C12orf43: variants seen among roughly 807,000 people sequenced by gnomAD.
C12orf43 encodes the protein chromosome 12 open reading frame 43, also known as protein CUSTOS.
C12orf43 carries 15 observed loss-of-function variants against 20.6 expected under a neutral mutation model. The observed-to-expected ratio is 0.73, with a 90% CI of 0.49 to 1.12. The LOEUF is 1.12. Among genes scored for constraint, C12orf43 ranks in the 50% most tolerant of loss-of-function variants. The pLI is 0.00. For missense variants in C12orf43, 334 were observed against 344.4 expected, an observed-to-expected ratio of 0.97 and a Z score of 0.24; for synonymous variants, 144 against 130.8, an observed-to-expected ratio of 1.10 and a Z score of -0.69.
In C12orf43 at chr12:121,003,721, C is replaced by T. The variant is rs778506891; in HGVS notation, c.*432G>A. The T allele has an allele frequency of 2.3e-4, 40 of 172,734 alleles. No individual in the cohort carries two copies. The highest frequency in any genetic ancestry group is 7.5e-4 in the South Asian group (5 of 6,638). The allele number at this position is 172,734 out of a possible 1,614,324, so 10.7% of individuals were successfully genotyped here. Reference sequence around the variant, plus strand: ...CTCTGGGCCTTGGCCTCTTGGGGATCCCTTCTCTCATTTTCTAAAAACTGT... The same window carrying T: ...CTCTGGGCCTTGGCCTCTTGGGGATTCCTTCTCTCATTTTCTAAAAACTGT... On this transcript the variant is annotated 3_prime_UTR_variant, in exon 6 of 6. Transcript: ENST00000288757.
chr12:121,010,760 C>A, intron 3 of C12orf43, 68 bp downstream of exon 3: 2 of 1,295,586 alleles, frequency 1.5e-6, no homozygotes, highest in Non-Finnish European at 2.1e-6. Context: ...CGTGAGCTCC[C>A]AGCCAATGTG....
Position 121,005,581 on chromosome 12 carries a change from C to T in C12orf43, c.362-488G>A, listed in dbSNP as rs1476478797. 6.6e-6 allele frequency among the ~76,000 whole-genome samples: 1 copy of T among 152,246 alleles called. No individual in the cohort carries two copies. Among genetic ancestry groups the T allele is most frequent in the African/African-American group, 2.4e-5 (1 of 41,470 alleles). On this transcript the variant is annotated intron_variant, in intron 4 of 5. Transcript: ENST00000288757. The surrounding 1 kb of genome is among the most constrained non-coding windows in gnomAD (Gnocchi z 5.6). Reference sequence around the variant, plus strand: ...GCTTCTGGAAGTCAGCACTTGAGCTCCTGACCTAAGGCAGCCTTCAAAGTG... The same window carrying T: ...GCTTCTGGAAGTCAGCACTTGAGCTTCTGACCTAAGGCAGCCTTCAAAGTG...
At position 121,002,003 on chromosome 12, in the gene C12orf43, G is replaced by A. The variant is rs1316140136; in HGVS notation, c.*2150C>T. 2 of 536,564 alleles carry A rather than the reference G, an allele frequency of 3.7e-6. No homozygotes were observed. The allele number at this position is 536,564 out of a possible 1,614,324, so 33.2% of individuals were successfully genotyped here. A position where few individuals can be genotyped will look rare whatever the true frequency, so the allele number is the denominator to read the frequency against. Reference sequence around the variant, plus strand: ...TGGGAAGTCGTCCTTACTCCTGTGGGAGCCTCGCAACCCGTGCCAAGTCCA... The same window carrying A: ...TGGGAAGTCGTCCTTACTCCTGTGGAAGCCTCGCAACCCGTGCCAAGTCCA... On this transcript the variant is annotated 3_prime_UTR_variant, in exon 6 of 6. Coordinates refer to ENST00000288757, the MANE Select transcript of C12orf43 (RefSeq NM_022895.3).
At chr12:121,011,517 T>C (rs897052651) in intron 1 of C12orf43, among the ~76,000 whole-genome samples, 2 of 151,030 alleles carry the variant, frequency 1.3e-5, no homozygotes, top group Non-Finnish European at 2.9e-5. Flanking sequence ...GTTATATATG[T>C]AACTTAAAAT....
chr12:121,015,455 A>G (rs143345163), intron 1 of C12orf43, among the ~76,000 whole-genome samples: 1 of 152,226 alleles, frequency 6.6e-6, no homozygotes, highest in Non-Finnish European at 1.5e-5. Flanking sequence ...TCTCAGAGCA[A>G]TGTTTTAAAT....
chr12:121,006,024 CT>C, intron 4 of C12orf43: 1 of 294,818 alleles, frequency 3.4e-6, no homozygotes, highest in Non-Finnish European at 6.4e-6. Flanking sequence ...CAAGACCAGC[CT>C]GGGCAACATA....
chr12:121,013,831 C>A (rs190231364), intron 1 of C12orf43, among the ~76,000 whole-genome samples: 2 of 152,166 alleles, frequency 1.3e-5, no homozygotes, highest in Admixed American at 1.3e-4. Context: ...CCTGGGTTTA[C>A]GCCTGGTTCT....
intron 3 of C12orf43, among the ~76,000 whole-genome samples, chr12:121,009,211 C>T (rs901278948): frequency 2.0e-5 from 3 of 152,062 alleles, no homozygotes; most frequent in Non-Finnish European, 2.9e-5. Flanking sequence ...TCTGGGAGGC[C>T]GAGCCGGTGG....
intron 3 of C12orf43, among the ~76,000 whole-genome samples, chr12:121,007,827 C>T (rs1878137438): frequency 6.6e-6 from 1 of 152,136 alleles, no homozygotes; most frequent in African/African-American, 2.4e-5. Flanking sequence ...AAGCCCTGTT[C>T]AGGAAAAGCA....
chr12:121,001,297 T>C lies in C12orf43; in HGVS notation c.*2856A>G. The C allele has an allele frequency of 3.6e-6, 5 of 1,385,652 alleles. No individual in the cohort carries two copies. The highest frequency in any genetic ancestry group is 5.0e-6 in the Non-Finnish European group (5 of 1,000,762). The allele number at this position is 1,385,652 out of a possible 1,614,324, so 85.8% of individuals were successfully genotyped here. A position where few individuals can be genotyped will look rare whatever the true frequency, so the allele number is the denominator to read the frequency against. On this transcript the variant is annotated 3_prime_UTR_variant, in exon 6 of 6. Coordinates refer to ENST00000288757, the MANE Select transcript of C12orf43 (RefSeq NM_022895.3). ...TGAGCCTGCCGAGCAACCGTGGCCC[T>C]TCCTGGACAGCTGTGCCTCGCTCCC...
Position 121,004,396 on chromosome 12 carries a change from T to G in C12orf43, c.546A>C (p.Thr182=). Residue 182 remains threonine (T), a synonymous_variant, in exon 6 of 6, where the codon ACA becomes ACC. Coordinates refer to ENST00000288757, the MANE Select transcript of C12orf43 (RefSeq NM_022895.3). The surrounding 1 kb of genome is among the most constrained non-coding windows in gnomAD (Gnocchi z 5.6). Reference sequence around the variant, plus strand: ...TTTTCTTCTTTGCCTCCTTCTCCACTGTTCCAGGGCTGTGGATGGCTGACT... The same window carrying G: ...TTTTCTTCTTTGCCTCCTTCTCCACGGTTCCAGGGCTGTGGATGGCTGACT... ...LQESAIHSPG[T]VEKEAKKKRK... 6.2e-7 allele frequency: 1 copy of G among 1,613,894 alleles called. No individual in the cohort carries two copies. Among genetic ancestry groups the G allele is most frequent in the Non-Finnish European group, 8.5e-7 (1 of 1,179,982 alleles).
intron 1 of C12orf43, 133 bp from the exon 2 acceptor site, chr12:121,011,279 T>C: frequency 6.3e-6 from 3 of 479,194 alleles, no homozygotes; most frequent in South Asian, 4.8e-5. Context: ...AACTCATATA[T>C]ATTATATTTA....
chr12:121,001,831 C>T lies in C12orf43; in HGVS notation c.*2322G>A, dbSNP rs906008516. The stretch of plus-strand genomic sequence containing the variant: ...GGGAGGCCGAAGCTAACAGGGAAGG[C>T]AGGCAGGGCTCTCCTGGCTTCCCAT... On this transcript the variant is annotated 3_prime_UTR_variant, in exon 6 of 6. Coordinates refer to ENST00000288757, the MANE Select transcript of C12orf43 (RefSeq NM_022895.3). 2 of 532,818 alleles carry T rather than the reference C, an allele frequency of 3.8e-6. No individual in the cohort carries two copies. The highest frequency in any genetic ancestry group is 1.9e-5 in the African/African-American group (1 of 53,844). The allele number at this position is 532,818 out of a possible 1,614,324, so 33.0% of individuals were successfully genotyped here. A position where few individuals can be genotyped will look rare whatever the true frequency, so the allele number is the denominator to read the frequency against.
Position 121,000,994 on chromosome 12 carries a change from C to T in C12orf43, c.*3159G>A, listed in dbSNP as rs956343274. 19 of 1,602,788 alleles carry T rather than the reference C, an allele frequency of 1.2e-5. No individual in the cohort carries two copies. Among genetic ancestry groups the T allele is most frequent in the Non-Finnish European group, 1.4e-5 (17 of 1,176,654 alleles). ...GGCCCTGCCTCCCCATCCTGAGTAC[C>T]CCTAGGGACAGGCAGGTGGGGTGGG... On this transcript the variant is annotated 3_prime_UTR_variant, in exon 6 of 6. Transcript: ENST00000288757.
Position 121,007,933 on chromosome 12 carries a change from T to G in C12orf43, c.288-1539A>C, listed in dbSNP as rs568741277. On this transcript the variant is annotated intron_variant, in intron 3 of 5. Coordinates refer to ENST00000288757, the MANE Select transcript of C12orf43 (RefSeq NM_022895.3). ...TGGCCATCAGGGGCATTTGGCAATG[T>G]CTGGAGACATTTTTGGATGTCACAA... 2.6e-5 allele frequency among the ~76,000 whole-genome samples: 4 copies of G among 151,622 alleles called. No homozygotes were observed. In the East Asian group the frequency reaches 7.8e-4, roughly 29 times the overall value.
chr12:121,005,136 CAAAA>C lies in C12orf43; in HGVS notation c.362-47_362-44del, dbSNP rs1877884380. The stretch of plus-strand genomic sequence containing the variant: ...AGAGTCAAACAAAAACAAAACAAAA[CAAAA>C]AGAAACATAAAAAAATAAAAAATAA... On this transcript the variant is annotated intron_variant, in intron 4 of 5. Transcript: ENST00000288757. The surrounding 1 kb of genome is among the most constrained non-coding windows in gnomAD (Gnocchi z 5.6). 1.1e-6 allele frequency: 1 copy of C among 927,196 alleles called. No homozygotes were observed. Among genetic ancestry groups the C allele is most frequent in the Non-Finnish European group, 1.4e-6 (1 of 702,712 alleles). The allele number at this position is 927,196 out of a possible 1,614,324, so 57.4% of individuals were successfully genotyped here. A position where few individuals can be genotyped will look rare whatever the true frequency, so the allele number is the denominator to read the frequency against.
chr12:121,011,334 C>T (rs916690132), intron 1 of C12orf43, among the ~76,000 whole-genome samples, 188 bp from the exon 2 acceptor site: 18 of 147,718 alleles, frequency 1.2e-4, no homozygotes, highest in African/African-American at 4.5e-4. Flanking sequence ...CAAATAGTTA[C>T]ATATAATTTA....
rs776940417 is a variant in C12orf43 at position 121,010,829 on chromosome 12, T to C, written c.286A>G (p.Ser96Gly). The stretch of plus-strand genomic sequence containing the variant: ...AGGAGAAACTCCACCTTTGTTTACC[T>C]GTCCAGCAGGGCTCCCAGCTTCTTG... ...VAKKLGALLDSFITISEAAKE... is the reference protein window; with the variant it reads ...VAKKLGALLDGFITISEAAKE... Residue 96 changes from serine to glycine, a missense_variant and splice_region_variant, in exon 3 of 6, where the codon AGC (serine) becomes GGC (glycine). By Grantham distance (56) the Ser-to-Gly change is moderately conservative. Transcript: ENST00000288757. 1 of 1,597,848 alleles carries C rather than the reference T, an allele frequency of 6.3e-7. No homozygotes were observed. The highest frequency in any genetic ancestry group is 8.5e-7 in the Non-Finnish European group (1 of 1,170,870).
At position 121,005,105 on chromosome 12, in the gene C12orf43, T is replaced by G; in HGVS notation, c.362-12A>C. ...GAAAAGGCGGAAACCTAAGATTCAA[T>G]GGGGCAGAGTCAAACAAAAACAAAA... On this transcript the variant is annotated splice_polypyrimidine_tract_variant and intron_variant, in intron 4 of 5. Transcript: ENST00000288757. The surrounding 1 kb of genome is among the most constrained non-coding windows in gnomAD (Gnocchi z 5.6). 7 of 1,245,992 alleles carry G rather than the reference T, an allele frequency of 5.6e-6. No individual in the cohort carries two copies. The highest frequency in any genetic ancestry group is 7.3e-6 in the Non-Finnish European group (7 of 960,114). The allele number at this position is 1,245,992 out of a possible 1,614,324, so 77.2% of individuals were successfully genotyped here.
Sources: gnomAD v4.1 joint callset for allele counts (sites outside exome capture counted in the v4.1 genomes callset) on GRCh38, gnomAD v4.1.1 for gene constraint, Gnocchi (gnomAD v3.1) non-coding constraint, MANE v1.5 for transcripts, NCBI Gene and HGNC (gene_info 2026-07-23, HGNC 2026-07-21) for gene names.